Variants in TMEM45A observed in about 807,000 individuals in gnomAD.
TMEM45A encodes DNA polymerase-transactivated protein 4.
TMEM45A carries 25 observed loss-of-function variants against 32.0 expected under a neutral mutation model. The ratio of observed to expected loss-of-function variants is 0.78; its 90% CI spans 0.57 to 1.09. TMEM45A has a LOEUF of 1.09. Among genes scored for constraint, TMEM45A ranks in the 50% least tolerant of loss-of-function variants. The pLI, the probability that TMEM45A is intolerant of heterozygous loss-of-function variation, is 0.00. For missense variants in TMEM45A, 302 were observed against 325.0 expected, an observed-to-expected ratio of 0.93 and a Z score of 0.54; for synonymous variants, 122 against 114.8, an observed-to-expected ratio of 1.06 and a Z score of -0.40.
chr3:100,500,618 C>G (rs975772444), intron 1 of TMEM45A, among the ~76,000 whole-genome samples: 4 of 152,234 alleles, frequency 2.6e-5, no homozygotes, highest in African/African-American at 9.7e-5. Context: ...GCTCGGAAGA[C>G]AACAAATCCT....
rs965218674 is a variant in TMEM45A at position 100,525,066 on chromosome 3, T to C, written c.-3-30143T>C. On this transcript the variant is annotated intron_variant, in intron 1 of 5. Transcript: ENST00000323523. ...AGCCGGGTGTGGCAATGTGTGCCTG[T>C]AGTCCTAGCTATTTGGGAGACTGAG... Among the ~76,000 whole-genome samples, 3 of 152,002 alleles carry C rather than the reference T, an allele frequency of 2.0e-5. No individual in the cohort carries two copies. In the East Asian group the frequency reaches 5.8e-4, roughly 29 times the overall value.
At chr3:100,557,018 C>T (rs2148983288) in intron 3 of TMEM45A, 46 bp downstream of exon 3, 3 of 1,576,296 alleles carry the variant, frequency 1.9e-6, no homozygotes, top group Non-Finnish European at 2.6e-6. Flanking sequence ...TATTAGTGAG[C>T]ATTTATGTAG....
intron 1 of TMEM45A, among the ~76,000 whole-genome samples, chr3:100,551,234 C>T (rs943457220): frequency 6.6e-6 from 1 of 152,048 alleles, no homozygotes; most frequent in East Asian, 1.9e-4. Flanking sequence ...AGGATGGTCT[C>T]GATCTCCTGA....
intron 1 of TMEM45A, among the ~76,000 whole-genome samples, chr3:100,513,919 G>A (rs1708213531): frequency 6.6e-6 from 1 of 151,884 alleles, no homozygotes; most frequent in African/African-American, 2.4e-5. Flanking sequence ...CAACTTACAA[G>A]GGATGTGAAG....
At chr3:100,537,989 C>T (rs947376691) in intron 1 of TMEM45A, among the ~76,000 whole-genome samples, 5 of 152,190 alleles carry the variant, frequency 3.3e-5, no homozygotes, top group African/African-American at 1.2e-4. Flanking sequence ...GCCTTTGAAG[C>T]AGTTCATCAA....
chr3:100,519,671 A>G (rs1287885046), intron 1 of TMEM45A: 2 of 1,481,664 alleles, frequency 1.3e-6, no homozygotes, highest in Non-Finnish European at 1.8e-6. Flanking sequence ...AGAACTTTTG[A>G]TTCATAAAGA....
At chr3:100,569,573 C>G (rs1176559382) in intron 5 of TMEM45A, among the ~76,000 whole-genome samples, 1 of 152,140 alleles carries the variant, frequency 6.6e-6, no homozygotes, top group Admixed American at 6.5e-5. Flanking sequence ...GGGCCAATTA[C>G]TTAACCACAT....
chr3:100,528,457 A>G (rs1455486042), intron 1 of TMEM45A, among the ~76,000 whole-genome samples: 1 of 152,110 alleles, frequency 6.6e-6, no homozygotes, highest in African/African-American at 2.4e-5. Context: ...GGCAGAATCG[A>G]AGGTGGGGAT....
intron 1 of TMEM45A, among the ~76,000 whole-genome samples, chr3:100,537,333 A>C (rs1158278818): frequency 6.6e-6 from 1 of 152,208 alleles, no homozygotes; most frequent in Non-Finnish European, 1.5e-5. Flanking sequence ...GGAGAACCGG[A>C]TGCTGGTATA....
intron 4 of TMEM45A, among the ~76,000 whole-genome samples, chr3:100,559,728 T>C (rs975023078): frequency 5.9e-5 from 9 of 152,152 alleles, no homozygotes; most frequent in African/African-American, 2.2e-4. Flanking sequence ...CTGGTTAAGA[T>C]GACTTCTGGT....
chr3:100,558,637 TTC>T (rs1559651093), intron 4 of TMEM45A, 48 bp downstream of exon 4: 1 of 1,578,210 alleles, frequency 6.3e-7, no homozygotes, highest in Non-Finnish European at 8.6e-7. Context: ...TGCCTGTAAC[TTC>T]TCTGTTTATT....
chr3:100,565,697 A>G (rs1304157388), intron 4 of TMEM45A, among the ~76,000 whole-genome samples: 1 of 152,302 alleles, frequency 6.6e-6, no homozygotes, highest in East Asian at 1.9e-4. Context: ...CTGGTTTTGA[A>G]TTTCATTTAG....
At chr3:100,564,938 A>G (rs1339305576) in intron 4 of TMEM45A, among the ~76,000 whole-genome samples, 1 of 152,214 alleles carries the variant, frequency 6.6e-6, no homozygotes, top group African/African-American at 2.4e-5. Flanking sequence ...TATTCAAACC[A>G]TATCAGAACT....
intron 5 of TMEM45A, among the ~76,000 whole-genome samples, chr3:100,569,859 G>A (rs1196485587): frequency 6.6e-6 from 1 of 152,198 alleles, no homozygotes; most frequent in African/African-American, 2.4e-5. Flanking sequence ...TACAGAAATA[G>A]TAGAAGAACA....
At chr3:100,536,673 C>G (rs896551080) in intron 1 of TMEM45A, among the ~76,000 whole-genome samples, 5 of 152,154 alleles carry the variant, frequency 3.3e-5, no homozygotes, top group African/African-American at 9.7e-5. Context: ...AATTTCCTCT[C>G]AACAAAGCCA....
intron 1 of TMEM45A, among the ~76,000 whole-genome samples, chr3:100,513,248 C>A (rs1034073399): frequency 2.0e-5 from 3 of 152,006 alleles, no homozygotes; most frequent in African/African-American, 7.3e-5. Context: ...CAAACCGAAT[C>A]CAGCAGCACA....
chr3:100,570,278 A>C (rs1706531685), intron 5 of TMEM45A, among the ~76,000 whole-genome samples: 1 of 152,120 alleles, frequency 6.6e-6, no homozygotes, highest in African/African-American at 2.4e-5. Context: ...GCTAGAACAA[A>C]CTTTCCACCC....
Position 100,519,586 on chromosome 3 carries a change from A to G in TMEM45A, c.-4+26658A>G, listed in dbSNP as rs972429027. The G allele has an allele frequency of 3.2e-6, 5 of 1,551,088 alleles. No homozygotes were observed. The South Asian group carries it at 5.9e-5, about 18-fold the overall frequency. ...AGGATGACCAATGACTCAGAAGGGA[A>G]AATGGGATTTAAACACCCAAAGGTT... is the stretch of plus-strand genomic sequence containing the variant. On this transcript the variant is annotated intron_variant, in intron 1 of 5. Transcript: ENST00000323523.
At chr3:100,502,998 CCTCCTCCTT>C (rs1319078619) in intron 1 of TMEM45A, among the ~76,000 whole-genome samples, 2 of 151,396 alleles carry the variant, frequency 1.3e-5, no homozygotes, top group Admixed American at 6.6e-5. Context: ...TCCTTCTCCT[CCTCCTCCTT>C]CTCCTCCTTC....
Sources: allele counts gnomAD v4.1 joint callset (sites outside exome capture counted in the v4.1 genomes callset), GRCh38; gene constraint gnomAD v4.1.1; transcripts MANE v1.5; gene names NCBI Gene and HGNC (gene_info 2026-07-23, HGNC 2026-07-21).